VCAN: variants seen among roughly 807,000 people sequenced by gnomAD.
VCAN encodes the protein versican core protein.
Under a neutral mutation model 245.5 loss-of-function variants are expected in VCAN, and 44 were observed. The ratio of observed to expected loss-of-function variants is 0.18; its 90% CI spans 0.14 to 0.23. The LOEUF (loss-of-function observed/expected upper bound fraction) is 0.23, where lower values mean the gene tolerates loss of function less well. VCAN is among the 10% of genes least tolerant of loss of function. The pLI is 1.00. For missense variants in VCAN, 3,793 were observed against 4,057.9 expected, an observed-to-expected ratio of 0.93 and a Z score of 1.77; for synonymous variants, 1,413 against 1,437.0, an observed-to-expected ratio of 0.98 and a Z score of 0.38.
chr5:83,543,913 A>T (rs1747098988), intron 8 of VCAN, among the ~76,000 whole-genome samples: 1 of 152,210 alleles, frequency 6.6e-6, no homozygotes, highest in Non-Finnish European at 1.5e-5. Context: ...TGTTTAGGGG[A>T]GAATAACATT....
At chr5:83,559,472 C>T (rs1036556492) in intron 12 of VCAN, among the ~76,000 whole-genome samples, 3 of 152,144 alleles carry the variant, frequency 2.0e-5, no homozygotes, top group East Asian at 3.8e-4. Flanking sequence ...ATACTCTCAG[C>T]TCCTGGAATA....
chr5:83,506,905 G>C (rs1355069342), intron 5 of VCAN, among the ~76,000 whole-genome samples: 1 of 152,122 alleles, frequency 6.6e-6, no homozygotes, highest in African/African-American at 2.4e-5. Context: ...ATAAACCCAT[G>C]AGATCTTTTG....
chr5:83,472,044 C>T (rs1369053762), intron 1 of VCAN, 21 bp downstream of exon 1: 1 of 342,818 alleles, frequency 2.9e-6, no homozygotes, highest in Non-Finnish European at 5.2e-6. Context: ...TTCTTTTGTT[C>T]CCCCCTTAAA....
intron 2 of VCAN, among the ~76,000 whole-genome samples, chr5:83,484,906 G>A (rs1238215748): frequency 6.6e-6 from 1 of 152,166 alleles, no homozygotes; most frequent in Non-Finnish European, 1.5e-5. Flanking sequence ...CTGTAAGTTA[G>A]GAAGAAACAT....
intron 7 of VCAN, among the ~76,000 whole-genome samples, chr5:83,525,833 A>G (rs1746273911): frequency 6.6e-6 from 1 of 152,176 alleles, no homozygotes; most frequent in Non-Finnish European, 1.5e-5. Context: ...CTAAAGGCTT[A>G]TTGTCTAAAT....
At chr5:83,572,632 T>C in intron 13 of VCAN, 72 bp downstream of exon 13, 6 of 1,585,470 alleles carry the variant, frequency 3.8e-6, no homozygotes, top group Non-Finnish European at 4.3e-6. Flanking sequence ...GGAATTTGTG[T>C]CTCAAATTCA....
rs567159988 is a variant in VCAN at position 83,550,360 on chromosome 5, T to C, written c.9493+2276T>C. 1.1e-3 allele frequency among the ~76,000 whole-genome samples: 162 copies of C among 152,308 alleles called. 1 individual carries two copies. Among genetic ancestry groups the C allele is most frequent in the Non-Finnish European group, 2.0e-3 (136 of 68,024 alleles). ...ATTTTTTTGTAACCTCTTTAAAACCTATAGGAGTTTTAAAGCATAAGATGT... is the reference window on the plus strand; with the variant it reads ...ATTTTTTTGTAACCTCTTTAAAACCCATAGGAGTTTTAAAGCATAAGATGT... On this transcript the variant is annotated intron_variant, in intron 10 of 14. Coordinates refer to ENST00000265077, the MANE Select transcript of VCAN (RefSeq NM_004385.5).
chr5:83,539,448 G>C lies in VCAN; in HGVS notation c.6445G>C (p.Glu2149Gln). 6.2e-7 allele frequency: 1 copy of C among 1,613,340 alleles called. No homozygotes were observed. Among genetic ancestry groups the C allele is most frequent in the South Asian group, 1.1e-5 (1 of 91,030 alleles). Residue 2149 changes from glutamate to glutamine, a missense_variant, in exon 8 of 15, where the codon GAA becomes CAA. Around this residue, in one of 5 missense-constraint regions of VCAN, gnomAD observed 3,182 missense variants for 3,250.3 expected, o/e 0.98. Coordinates refer to ENST00000265077, the MANE Select transcript of VCAN (RefSeq NM_004385.5). Reference sequence around the variant, plus strand: ...TGATTCACAGACATTTACTGAAACTGAACTCAAAACCACAGATTATTCTGT... The same window carrying C: ...TGATTCACAGACATTTACTGAAACTCAACTCAAAACCACAGATTATTCTGT... ...IFDSQTFTET[E>Q]LKTTDYSVLT... is the part of the protein sequence containing the mutation.
chr5:83,523,906 CA>C (rs1451995923), intron 7 of VCAN, among the ~76,000 whole-genome samples: 1 of 151,572 alleles, frequency 6.6e-6, no homozygotes, highest in Non-Finnish European at 1.5e-5. Flanking sequence ...GAAAGAAAAA[CA>C]AAAAAGAGGT....
intron 12 of VCAN, among the ~76,000 whole-genome samples, chr5:83,566,449 ATC>A (rs760631940): frequency 2.0e-5 from 3 of 152,166 alleles, no homozygotes; most frequent in Non-Finnish European, 4.4e-5. Context: ...GATAAAAGAT[ATC>A]TCTGAATGAC....
At chr5:83,487,305 C>T (rs1273660876) in intron 2 of VCAN, among the ~76,000 whole-genome samples, 2 of 152,148 alleles carry the variant, frequency 1.3e-5, no homozygotes, top group African/African-American at 4.8e-5. Context: ...CATCTTTACT[C>T]TAAGGAATCT....
chr5:83,534,720 A>G (rs1460450214), intron 7 of VCAN, among the ~76,000 whole-genome samples: 1 of 152,108 alleles, frequency 6.6e-6, no homozygotes, highest in African/African-American at 2.4e-5. Flanking sequence ...TAATTCAACT[A>G]TATTCAAATA....
At position 83,537,925 on chromosome 5, in the gene VCAN, G is replaced by A. The variant is rs1746791143; in HGVS notation, c.4922G>A (p.Gly1641Asp). ...SGSSSIPITE[G>D]SGEAEEDEDT... ...AGTTCTTCGATTCCAATTACAGAAGGCTCTGGAGAAGCAGAAGAAGATGAA... is the reference window on the plus strand; with the variant it reads ...AGTTCTTCGATTCCAATTACAGAAGACTCTGGAGAAGCAGAAGAAGATGAA... The change falls in exon 8 of 15, where the codon GGC (glycine) becomes GAC (aspartate). Residue 1641 changes from glycine (G) to aspartate (D), a missense_variant. Transcript: ENST00000265077. 6.2e-7 allele frequency: 1 copy of A among 1,613,902 alleles called. No individual in the cohort carries two copies. Among genetic ancestry groups the A allele is most frequent in the African/African-American group, 1.3e-5 (1 of 75,030 alleles).
intron 1 of VCAN, among the ~76,000 whole-genome samples, chr5:83,477,582 G>C (rs1426283500): frequency 2.0e-5 from 3 of 152,102 alleles, no homozygotes; most frequent in Non-Finnish European, 4.4e-5. Flanking sequence ...GTTAGGAATA[G>C]AGAAACCTGT....
At chr5:83,535,457 A>G (rs898690806) in intron 7 of VCAN, among the ~76,000 whole-genome samples, 1 of 152,142 alleles carries the variant, frequency 6.6e-6, no homozygotes, top group African/African-American at 2.4e-5. Flanking sequence ...GCATTACATA[A>G]AAGTCTTATT....
At chr5:83,507,623 C>T (rs1266807661) in intron 5 of VCAN, among the ~76,000 whole-genome samples, 2 of 152,116 alleles carry the variant, frequency 1.3e-5, no homozygotes, top group Non-Finnish European at 2.9e-5. Flanking sequence ...TTTGTCTGTT[C>T]CTTGGATTCC....
In VCAN at chr5:83,540,370, G is replaced by C. The variant is rs377698506; in HGVS notation, c.7367G>C (p.Ser2456Thr). The C allele has an allele frequency of 1.2e-6, 2 of 1,613,918 alleles. No individual in the cohort carries two copies. Among genetic ancestry groups the C allele is most frequent in the African/African-American group, 2.7e-5 (2 of 74,900 alleles). ...ACTCAGGCAACCAGACAAGAAAGCA[G>C]CACCACATTTGTTTCTGATGGGTCC... The part of the protein sequence containing the change: ...ATTQATRQES[S>T]TTFVSDGSLE... Residue 2456 changes from serine to threonine, a missense_variant, in exon 8 of 15, where the codon AGC becomes ACC. Coordinates refer to ENST00000265077, the MANE Select transcript of VCAN (RefSeq NM_004385.5).
chr5:83,486,392 T>C (rs1438081654), intron 2 of VCAN, among the ~76,000 whole-genome samples: 1 of 152,150 alleles, frequency 6.6e-6, no homozygotes, highest in Non-Finnish European at 1.5e-5. Context: ...CTGGATAGTT[T>C]TTAGAGTCTA....
In VCAN at chr5:83,521,813, T is replaced by C; in HGVS notation, c.3507T>C (p.Thr1169=). 6.2e-7 allele frequency: 1 copy of C among 1,614,174 alleles called. No homozygotes were observed. The highest frequency in any genetic ancestry group is 1.6e-4 in the Middle Eastern group (1 of 6,062). ...TTACCCAGCTTATGGAAGAAACCAC[T>C]ACTGAGAAAACATCCCTAGAGGATA... ...THITQLMEET[T]TEKTSLEDID... Residue 1169 remains threonine, a synonymous_variant, in exon 7 of 15, where the codon ACT becomes ACC. Transcript: ENST00000265077.
Sources: allele counts gnomAD v4.1 joint callset (sites outside exome capture counted in the v4.1 genomes callset), GRCh38; gene constraint gnomAD v4.1.1; regional missense constraint gnomAD v4.1.1; transcripts MANE v1.5; gene names NCBI Gene and HGNC (gene_info 2026-07-23, HGNC 2026-07-21).